Variants in GEMIN8 observed in about 807,000 individuals in gnomAD.
GEMIN8 encodes the protein gem nuclear organelle associated protein 8, also known as gem-associated protein 8.
For synonymous variants in GEMIN8, 80 were observed against 78.5 expected, an observed-to-expected ratio of 1.02 and a Z score of -0.10; for missense variants, 185 against 205.9, an observed-to-expected ratio of 0.90 and a Z score of 0.62.
At chrX:14,019,733 G>A (rs1004240543) in intron 4 of GEMIN8, among the ~76,000 whole-genome samples, 102 of 111,613 alleles carry the variant, frequency 9.1e-4, no homozygotes, top group African/African-American at 3.2e-3. Context: ...TATATAAAAT[G>A]AGTTTAATAC....
chrX:14,029,246 A>C (rs1924856221), intron 1 of GEMIN8: 1 of 112,221 alleles, frequency 8.9e-6, no homozygotes, highest in Admixed American at 9.4e-5. Context: ...CCTCCTGCAG[A>C]GGTTAAAGTG....
chrX:13,993,541 G>C, the GEMIN8 span, among the ~76,000 whole-genome samples: 1 of 105,398 alleles, frequency 9.5e-6, no homozygotes, highest in Admixed American at 1.0e-4. Context: ...TCAGCCTCTT[G>C]AGCAGCTGGG....
intron 2 of GEMIN8, 33 bp downstream of exon 2, chrX:14,026,107 T>C (rs1180184516): frequency 3.2e-5 from 24 of 739,916 alleles, no homozygotes; most frequent in Non-Finnish European, 3.8e-5. Flanking sequence ...CTTTGGTCTT[T>C]AATGGTCTTT....
chrX:13,995,975 T>G, the GEMIN8 span, among the ~76,000 whole-genome samples: 1 of 111,770 alleles, frequency 8.9e-6, no homozygotes, highest in Non-Finnish European at 1.9e-5. Flanking sequence ...TTTTCTAACT[T>G]CCCACTCTGT....
rs375970991 is a variant in GEMIN8 at position 14,020,493 on chromosome X, C to G, written c.57G>C (p.Pro19=). The G allele has an allele frequency of 1.7e-5, 21 of 1,201,714 alleles. No individual in the cohort carries two copies. Among genetic ancestry groups the G allele is most frequent in the Non-Finnish European group, 2.4e-5 (21 of 887,788 alleles). ...SKATRPWYSH[P]VYARYWQHYH... is the part of the protein sequence containing the mutation. ...AATGTTGCCAGTATCTTGCATATAC[C>G]GGATGAGAATACCAAGGCCTGGTAG... Residue 19 remains proline (P), a synonymous_variant, in exon 4 of 5, where the codon CCG becomes CCC. Coordinates refer to ENST00000680255, the MANE Select transcript of GEMIN8 (RefSeq NM_001042479.2).
chrX:14,022,034 T>C (rs931836092), intron 2 of GEMIN8, among the ~76,000 whole-genome samples: 1 of 100,642 alleles, frequency 9.9e-6, no homozygotes, highest in African/African-American at 3.6e-5. Context: ...TATATACACA[T>C]GTATATATAA....
the GEMIN8 span, among the ~76,000 whole-genome samples, chrX:13,999,024 T>C: frequency 9.0e-6 from 1 of 111,571 alleles, no homozygotes; most frequent in Non-Finnish European, 1.9e-5. Context: ...CTTTGAAAAG[T>C]GGAACAAGTA....
chrX:14,000,368 G>A, the GEMIN8 span, among the ~76,000 whole-genome samples: 1 of 110,728 alleles, frequency 9.0e-6, no homozygotes, highest in Admixed American at 9.6e-5. Flanking sequence ...AGGCTGAGGC[G>A]AGTGGATCAC....
At chrX:14,009,212 G>A (rs1449700338) in intron 4 of GEMIN8, 43 bp from the exon 5 acceptor site, 3 of 1,180,108 alleles carry the variant, frequency 2.5e-6, no homozygotes, top group Non-Finnish European at 3.4e-6. Flanking sequence ...AAACACACGT[G>A]TGTGCACTGC....
At chrX:13,991,582 T>C in the GEMIN8 span, among the ~76,000 whole-genome samples, 1 of 111,840 alleles carries the variant, frequency 8.9e-6, no homozygotes, top group East Asian at 2.8e-4. Context: ...GTTTGATGCG[T>C]GGACAGGCCA....
intron 3 of GEMIN8, among the ~76,000 whole-genome samples, chrX:14,020,745 T>G (rs951699536): frequency 6.3e-5 from 7 of 111,806 alleles, no homozygotes; most frequent in Non-Finnish European, 1.9e-5. Context: ...GCTAAGTCCA[T>G]GTACATAAGG....
chrX:14,014,674 C>A (rs553160244), intron 4 of GEMIN8: 8 of 212,491 alleles, frequency 3.8e-5, no homozygotes, highest in African/African-American at 9.2e-5. Flanking sequence ...CTAGGTTTGA[C>A]TGACTAAAGG....
At chrX:14,029,018 C>G (rs376280317) in intron 1 of GEMIN8, among the ~76,000 whole-genome samples, 1 of 111,589 alleles carries the variant, frequency 9.0e-6, no homozygotes, top group Non-Finnish European at 1.9e-5. Context: ...AATACACAGC[C>G]TAGCCTGTCA....
intron 4 of GEMIN8, among the ~76,000 whole-genome samples, chrX:14,014,893 T>C (rs1466838586): frequency 3.6e-5 from 4 of 111,571 alleles, no homozygotes; most frequent in South Asian, 3.8e-4. Flanking sequence ...ATCCCTCAAA[T>C]TGGCCTAGTG....
chrX:13,988,913 C>T, the GEMIN8 span: 4 of 107,757 alleles, frequency 3.7e-5, no homozygotes, highest in Admixed American at 1.0e-4. Flanking sequence ...GTGAGTGCTA[C>T]GGTGCCCAAC....
chrX:14,012,267 GCCA>G (rs1923605110), intron 4 of GEMIN8, among the ~76,000 whole-genome samples: 1 of 105,069 alleles, frequency 9.5e-6, no homozygotes, highest in South Asian at 4.4e-4. Flanking sequence ...ACAGGTGTGT[GCCA>G]CCACGCCTGG....
At position 14,017,081 on chromosome X, in the gene GEMIN8, TTACTA is replaced by T. The variant is rs1433795086; in HGVS notation, c.472+2992_472+2996del. 4.8e-3 allele frequency among the ~76,000 whole-genome samples: 523 copies of T among 108,754 alleles called. 5 individuals are homozygous for T. Among genetic ancestry groups the T allele is most frequent in the Admixed American group, 7.3e-3 (73 of 9,987 alleles). The allele number at this position is 108,754 out of a possible 115,157, so 94.4% of individuals were successfully genotyped here. ...ATATTATCTCATGGATTCTTCACAA[TTACTA>T]CCCATTAGGGATTCTTCATAATTAC... is the stretch of plus-strand genomic sequence containing the variant. On this transcript the variant is annotated intron_variant, in intron 4 of 4. Transcript: ENST00000680255.
chrX:14,006,080 G>C (rs372244669), downstream of GEMIN8, among the ~76,000 whole-genome samples: 2 of 107,055 alleles, frequency 1.9e-5, no homozygotes, highest in African/African-American at 6.9e-5. Context: ...CCAGGCTGGA[G>C]TGCAATGGCG....
intron 4 of GEMIN8, among the ~76,000 whole-genome samples, chrX:14,010,361 A>G (rs1047669305): frequency 1.8e-5 from 2 of 112,193 alleles, no homozygotes; most frequent in Non-Finnish European, 3.8e-5. Context: ...TAGCTCTTGT[A>G]AGCGACTCTG....
Sources: allele counts gnomAD v4.1 joint callset (sites outside exome capture counted in the v4.1 genomes callset), GRCh38; gene constraint gnomAD v4.1.1; transcripts MANE v1.5; gene names NCBI Gene and HGNC (gene_info 2026-07-23, HGNC 2026-07-21).